CCDC14: variants seen among roughly 807,000 people sequenced by gnomAD.
CCDC14 encodes the protein coiled-coil domain-containing protein 14.
A neutral mutation model predicts 81.4 loss-of-function variants in CCDC14; 71 were observed. The ratio of observed to expected loss-of-function variants is 0.87; its 90% CI spans 0.72 to 1.06. The LOEUF (loss-of-function observed/expected upper bound fraction) is 1.06, where lower values mean the gene tolerates loss of function less well. CCDC14 is among the 50% of genes least tolerant of loss of function. The pLI is 0.00. For missense variants in CCDC14, 1,046 were observed against 1,047.3 expected, an observed-to-expected ratio of 1.00 and a Z score of 0.02; for synonymous variants, 332 against 364.8, an observed-to-expected ratio of 0.91 and a Z score of 1.03.
intron 5 of CCDC14, among the ~76,000 whole-genome samples, chr3:123,949,870 T>C (rs1365104024): frequency 1.3e-5 from 2 of 152,202 alleles, no homozygotes; most frequent in Admixed American, 6.5e-5. Context: ...ATATTGTCTA[T>C]AGAAATCATA....
intron 9 of CCDC14, among the ~76,000 whole-genome samples, chr3:123,935,589 G>C (rs887145505): frequency 2.0e-5 from 3 of 152,136 alleles, no homozygotes; most frequent in Non-Finnish European, 4.4e-5. Flanking sequence ...AAAGCGAGAG[G>C]TCCACTTGTA....
downstream of CCDC14, among the ~76,000 whole-genome samples, chr3:123,908,518 C>T (rs374354965): frequency 6.0e-4 from 91 of 152,274 alleles, 2 homozygotes; most frequent in South Asian, 0.011. Flanking sequence ...TGAATTTTCC[C>T]ACCAACTTAA....
intron 5 of CCDC14, among the ~76,000 whole-genome samples, chr3:123,951,940 A>T (rs886119773): frequency 6.6e-6 from 1 of 152,244 alleles, no homozygotes; most frequent in Non-Finnish European, 1.5e-5. Flanking sequence ...TAAAGCAAAC[A>T]ATCCAAGACA....
At chr3:123,908,875 A>G (rs2034380705), downstream of CCDC14, among the ~76,000 whole-genome samples, 3 of 152,158 alleles carry the variant, frequency 2.0e-5, no homozygotes, top group African/African-American at 7.2e-5. Flanking sequence ...AATGTGATTT[A>G]CTGATTTGCT....
At chr3:123,932,987 C>A (rs1410671405) in intron 10 of CCDC14, among the ~76,000 whole-genome samples, 1 of 151,958 alleles carries the variant, frequency 6.6e-6, no homozygotes, top group African/African-American at 2.4e-5. Flanking sequence ...TAATCCCAGA[C>A]ACTTGAGAGG....
chr3:123,903,958 T>G (rs2034243274), intron 5 of CCDC14, among the ~76,000 whole-genome samples: 1 of 152,180 alleles, frequency 6.6e-6, no homozygotes, highest in Non-Finnish European at 1.5e-5. Context: ...GCATGATTCT[T>G]TGAGGCCCAG....
chr3:123,960,295 C>T lies in CCDC14; in HGVS notation c.30+849G>A, dbSNP rs138676235. ...AGTGTGCTAAGGTCTTTCATTTTCACTTAATCCATACCCTGTGAGTTATTA... is the reference window on the plus strand; with the variant it reads ...AGTGTGCTAAGGTCTTTCATTTTCATTTAATCCATACCCTGTGAGTTATTA... On this transcript the variant is annotated intron_variant, in intron 1 of 12. Coordinates refer to ENST00000409697, the MANE Select transcript of CCDC14 (RefSeq NM_001366335.1). 5.9e-3 allele frequency among the ~76,000 whole-genome samples: 901 copies of T among 152,306 alleles called. 6 individuals are homozygous for T. Among genetic ancestry groups the T allele is most frequent in the African/African-American group, 0.019 (803 of 41,552 alleles).
downstream of CCDC14, among the ~76,000 whole-genome samples, chr3:123,909,407 A>G (rs2034392073): frequency 6.6e-6 from 1 of 152,136 alleles, no homozygotes; most frequent in African/African-American, 2.4e-5. Flanking sequence ...GGGGTCCTGG[A>G]AATGTCAGAG....
In CCDC14 at chr3:123,904,096, C is replaced by T. The variant is rs113237592; in HGVS notation, c.668-6483G>A. Among the ~76,000 whole-genome samples, 406 of 152,122 alleles carry T rather than the reference C, an allele frequency of 2.7e-3. 2 individuals are homozygous for T. The highest frequency in any genetic ancestry group is 9.5e-3 in the African/African-American group (394 of 41,484). On this transcript the variant is annotated intron_variant, in intron 5 of 5. Coordinates refer to the CCDC14 transcript ENST00000479903. ...CTGAACAAAATGGTTGAATGAATTA[C>T]GCATTATATAATAATTCCATATCAT...
chr3:123,959,960 A>G (rs1186788988), intron 1 of CCDC14, among the ~76,000 whole-genome samples: 2 of 152,198 alleles, frequency 1.3e-5, no homozygotes, highest in Non-Finnish European at 2.9e-5. Flanking sequence ...AATTAAAAAA[A>G]CAAACCTGGA....
chr3:123,950,249 G>A (rs1411449794), intron 5 of CCDC14, among the ~76,000 whole-genome samples: 6 of 152,026 alleles, frequency 3.9e-5, no homozygotes, highest in Non-Finnish European at 7.4e-5. Context: ...AAAGCTAAAC[G>A]TACATATATT....
In CCDC14 at chr3:123,931,464, G is replaced by A. The variant is rs1356306874; in HGVS notation, c.1489C>T (p.Gln497Ter). Residue 497 changes from glutamine to a stop codon, truncating the protein, a stop_gained, in exon 11 of 13, where the codon CAG (glutamine) becomes TAG (stop). Transcript: ENST00000409697. LOFTEE classifies it high-confidence loss of function. The stretch of plus-strand genomic sequence containing the variant: ...TCATTTTTACTCTGCAGTAATTCCT[G>A]GCTCTTTAGTGACTCCTCCAATTGA... ...QNQLEESLKS[Q>*]ELLQSKNEEL... 11 of 1,577,136 alleles carry A rather than the reference G, an allele frequency of 7.0e-6. No individual in the cohort carries two copies. Among genetic ancestry groups the A allele is most frequent in the Non-Finnish European group, 8.6e-6 (10 of 1,159,520 alleles).
downstream of CCDC14, among the ~76,000 whole-genome samples, chr3:123,896,582 G>T (rs9289227): frequency 6.8e-3 from 1,039 of 152,172 alleles, 11 homozygotes; most frequent in African/African-American, 0.024. Flanking sequence ...CTTACATGTA[G>T]AATCTTTAAA....
Position 123,913,609 on chromosome 3 carries a change from G to C in CCDC14, c.*1170C>G, listed in dbSNP as rs1192856877. ...ATTTTTAGACTTAAATCTCTATCTG[G>C]AAAATCTGAACATATCAAAGAGACT... On this transcript the variant is annotated 3_prime_UTR_variant, in exon 13 of 13. Coordinates refer to ENST00000409697, the MANE Select transcript of CCDC14 (RefSeq NM_001366335.1). 4 of 981,150 alleles carry C rather than the reference G, an allele frequency of 4.1e-6. No individual in the cohort carries two copies. In the African/African-American group the frequency reaches 5.4e-5, roughly 13 times the overall value. 60.8% of individuals were successfully genotyped at this position (981,150 alleles called of 1,614,324 possible). A position where few individuals can be genotyped will look rare whatever the true frequency, so the allele number is the denominator to read the frequency against.
At chr3:123,886,839 G>A in the CCDC14 span, among the ~76,000 whole-genome samples, 6 of 152,016 alleles carry the variant, frequency 3.9e-5, no homozygotes, top group Non-Finnish European at 8.8e-5. Flanking sequence ...ATATTCTAGA[G>A]AAATATTATT....
In CCDC14 at chr3:123,944,904, C is replaced by T. The variant is rs1266648535; in HGVS notation, c.1288G>A (p.Val430Ile). The T allele has an allele frequency of 2.5e-6, 4 of 1,612,190 alleles. No homozygotes were observed. Among genetic ancestry groups the T allele is most frequent in the Non-Finnish European group, 3.4e-6 (4 of 1,178,796 alleles). Residue 430 changes from valine (V) to isoleucine (I), a missense_variant, in exon 9 of 13, where the codon GTT becomes ATT. Physicochemically the swap from Val to Ile is conservative, Grantham distance 29. Transcript: ENST00000409697. The stretch of plus-strand genomic sequence containing the variant: ...GGTTGCATGGCCAGTGCTATCTCAA[C>T]TTGAATATCTGTGTTTCCACTTACT... Reference protein sequence around the residue: ...PTVSGNTDIQVEIALAMQPLR... With the variant: ...PTVSGNTDIQIEIALAMQPLR...
the CCDC14 span, among the ~76,000 whole-genome samples, chr3:123,890,029 A>G: frequency 6.6e-6 from 1 of 152,232 alleles, no homozygotes; most frequent in Non-Finnish European, 1.5e-5. Context: ...GTCAAGGCAG[A>G]GCAAGTCACA....
At chr3:123,927,499 G>A (rs1265422442) in intron 12 of CCDC14, among the ~76,000 whole-genome samples, 6 of 152,106 alleles carry the variant, frequency 3.9e-5, no homozygotes, top group African/African-American at 1.4e-4. Context: ...AAAATGTAGG[G>A]ATAGTGCTAA....
Position 123,961,167 on chromosome 3 carries a change from T to C in CCDC14, c.7A>G (p.Arg3Gly). ...ACCTGGCCCGGTCGAGCTCCAGACC[T>C]GACCATCTCTCGCCGCCTCAGAGAA... is the stretch of plus-strand genomic sequence containing the variant. MV[R>G]SGARPGQVLS... Residue 3 changes from arginine to glycine, a missense_variant, in exon 1 of 13, where the codon AGG (arginine) becomes GGG (glycine). Arg to Gly is a moderately radical substitution (Grantham distance 125). Coordinates refer to ENST00000409697, the MANE Select transcript of CCDC14 (RefSeq NM_001366335.1). 3 of 1,551,590 alleles carry C rather than the reference T, an allele frequency of 1.9e-6. No homozygotes were observed. The highest frequency in any genetic ancestry group is 2.4e-5 in the East Asian group (1 of 40,926).
Sources: allele counts gnomAD v4.1 joint callset (sites outside exome capture counted in the v4.1 genomes callset), GRCh38; gene constraint gnomAD v4.1.1; transcripts MANE v1.5; gene names NCBI Gene and HGNC (gene_info 2026-07-23, HGNC 2026-07-21).